The following ADAMTS17 variants were observed in gnomAD, a reference collection of about 807,000 sequenced individuals.
ADAMTS17 encodes ADAM metallopeptidase with thrombospondin type 1 motif 17, also known as A disintegrin and metalloproteinase with thrombospondin motifs 17.
In ADAMTS17, 113 loss-of-function variants were observed where a neutral mutation model predicts 141.5. The ratio of observed to expected loss-of-function variants is 0.80; its 90% CI spans 0.69 to 0.93. The LOEUF (loss-of-function observed/expected upper bound fraction) is 0.93, where lower values mean the gene tolerates loss of function less well. Among genes scored for constraint, ADAMTS17 ranks in the 40% least tolerant of loss-of-function variants. ADAMTS17 has a pLI of 0.00. For missense variants in ADAMTS17, 1,659 were observed against 1,517.9 expected (o/e 1.09, Z -1.54); for synonymous variants, 768 against 630.6 (o/e 1.22, Z -3.27).
At chr15:100,295,067 G>A (rs950688074) in intron 3 of ADAMTS17, among the ~76,000 whole-genome samples, 1 of 152,116 alleles carries the variant, frequency 6.6e-6, no homozygotes, top group Non-Finnish European at 1.5e-5. Context: ...ATGAAAAATA[G>A]TAAGACATGT....
At chr15:100,256,183 G>A (rs1323329479) in intron 6 of ADAMTS17, among the ~76,000 whole-genome samples, 2 of 152,166 alleles carry the variant, frequency 1.3e-5, no homozygotes, top group South Asian at 2.1e-4. Context: ...GGACTGTAGG[G>A]TTCACTTCAG....
chr15:100,258,638 A>G (rs973892436), intron 6 of ADAMTS17, among the ~76,000 whole-genome samples: 1 of 138,992 alleles, frequency 7.2e-6, no homozygotes, highest in Non-Finnish European at 1.6e-5. Context: ...ACAGCACAAG[A>G]AAGACCTGCC....
intron 15 of ADAMTS17, among the ~76,000 whole-genome samples, chr15:100,068,060 T>C (rs1044641894): frequency 6.6e-6 from 1 of 152,106 alleles, no homozygotes; most frequent in Non-Finnish European, 1.5e-5. Flanking sequence ...ACCCTAATAC[T>C]GTGCTTTTCC....
At chr15:100,170,912 T>C (rs911388279) in intron 8 of ADAMTS17, among the ~76,000 whole-genome samples, 6 of 152,292 alleles carry the variant, frequency 3.9e-5, no homozygotes, top group African/African-American at 9.6e-5. Context: ...CGTTACTTTA[T>C]TGAGTCACTA....
At chr15:100,017,180 C>T (rs2061307580) in intron 18 of ADAMTS17, among the ~76,000 whole-genome samples, 1 of 152,172 alleles carries the variant, frequency 6.6e-6, no homozygotes, top group Non-Finnish European at 1.5e-5. Flanking sequence ...CACCCAGCTC[C>T]CACGCAATCC....
chr15:100,107,734 C>T (rs548673070), intron 14 of ADAMTS17, among the ~76,000 whole-genome samples: 9 of 152,222 alleles, frequency 5.9e-5, no homozygotes, highest in East Asian at 1.9e-4. Flanking sequence ...CTATGATAAG[C>T]GACCCCTCAT....
At chr15:100,204,505 T>A (rs945459685) in intron 7 of ADAMTS17, among the ~76,000 whole-genome samples, 1 of 152,220 alleles carries the variant, frequency 6.6e-6, no homozygotes, top group Non-Finnish European at 1.5e-5. Flanking sequence ...TGGATGTGGG[T>A]GTGATCTGAA....
At chr15:99,979,551 C>T (rs1421521177) in intron 20 of ADAMTS17, 1 of 152,014 alleles carries the variant, frequency 6.6e-6, no homozygotes, top group Non-Finnish European at 1.5e-5. Context: ...ACGCCAATCC[C>T]CTGCAAAACC....
At chr15:100,234,822 C>T (rs145919761) in intron 7 of ADAMTS17, among the ~76,000 whole-genome samples, 3 of 152,280 alleles carry the variant, frequency 2.0e-5, no homozygotes, top group Admixed American at 2.0e-4. Flanking sequence ...GGGGCCATCC[C>T]AGCTTCTCCC....
At chr15:100,274,493 C>G (rs929863761) in intron 4 of ADAMTS17, among the ~76,000 whole-genome samples, 1 of 152,164 alleles carries the variant, frequency 6.6e-6, no homozygotes, top group African/African-American at 2.4e-5. Flanking sequence ...CTCCTGCTCT[C>G]TTTTGGTTAC....
intron 14 of ADAMTS17, among the ~76,000 whole-genome samples, chr15:100,097,643 G>A (rs534597618): frequency 1.1e-4 from 16 of 152,294 alleles, no homozygotes; most frequent in African/African-American, 2.6e-4. Flanking sequence ...AGTGTGCATC[G>A]GCCTCATGGG....
chr15:100,158,415 T>A (rs936544290), intron 8 of ADAMTS17, among the ~76,000 whole-genome samples: 7 of 152,232 alleles, frequency 4.6e-5, no homozygotes, highest in Admixed American at 4.6e-4. Context: ...GAATTCTTTT[T>A]TTGAGGTTCA....
At chr15:100,216,608 T>C (rs1184987922) in intron 7 of ADAMTS17, among the ~76,000 whole-genome samples, 2 of 152,206 alleles carry the variant, frequency 1.3e-5, no homozygotes, top group East Asian at 3.8e-4. Flanking sequence ...GATTTTGCGC[T>C]GACTGCCTTT....
intron 4 of ADAMTS17, among the ~76,000 whole-genome samples, chr15:100,264,831 A>C (rs1042426793): frequency 6.6e-6 from 1 of 152,164 alleles, no homozygotes; most frequent in African/African-American, 2.4e-5. Context: ...AAAAATGGGA[A>C]GGTGTTTAAT....
At chr15:100,209,419 G>A (rs924931679) in intron 7 of ADAMTS17, among the ~76,000 whole-genome samples, 1 of 152,068 alleles carries the variant, frequency 6.6e-6, no homozygotes, top group Non-Finnish European at 1.5e-5. Context: ...GGGCATCACG[G>A]CCCCTCCACT....
chr15:100,182,480 C>G (rs901007650), intron 8 of ADAMTS17, among the ~76,000 whole-genome samples: 3 of 152,184 alleles, frequency 2.0e-5, no homozygotes, highest in Non-Finnish European at 4.4e-5. Flanking sequence ...ACTCGTTGTG[C>G]TATCCCTCCG....
chr15:100,250,759 C>A (rs906666418), intron 7 of ADAMTS17, among the ~76,000 whole-genome samples: 3 of 152,166 alleles, frequency 2.0e-5, no homozygotes, highest in African/African-American at 7.2e-5. Flanking sequence ...TCTATCGGGT[C>A]CGTCCATTTC....
chr15:100,082,560 G>T (rs2034816331), intron 15 of ADAMTS17, among the ~76,000 whole-genome samples: 1 of 151,720 alleles, frequency 6.6e-6, no homozygotes, highest in Non-Finnish European at 1.5e-5. Context: ...TGATTTTTTT[G>T]TATTTTTTGT....
intron 18 of ADAMTS17, among the ~76,000 whole-genome samples, chr15:100,048,470 C>T (rs757289126): frequency 1.3e-4 from 19 of 144,882 alleles, no homozygotes; most frequent in Non-Finnish European, 2.5e-4. Context: ...ACAGGTCACC[C>T]ACAACATTAG....
Sources: gnomAD v4.1 joint callset for allele counts (sites outside exome capture counted in the v4.1 genomes callset) on GRCh38, gnomAD v4.1.1 for gene constraint, MANE v1.5 for transcripts, NCBI Gene and HGNC (gene_info 2026-07-23, HGNC 2026-07-21) for gene names.